The following DNM3 variants were observed in gnomAD, a reference collection of about 807,000 sequenced individuals.
DNM3 encodes dynamin-3.
DNM3 carries 47 observed loss-of-function variants against 101.6 expected under a neutral mutation model. The observed-to-expected ratio is 0.46, with a 90% confidence interval of 0.37 to 0.59. DNM3 has a LOEUF of 0.59. Among genes scored for constraint, DNM3 ranks in the 20% least tolerant of loss-of-function variants. The probability of loss-of-function intolerance (pLI) is 0.00; values close to 1 mark genes in which losing one functional copy is unlikely to be tolerated. For synonymous variants in DNM3, 385 were observed against 387.9 expected, an observed-to-expected ratio of 0.99 and a Z score of 0.09; for missense variants, 849 against 1,085.7, an observed-to-expected ratio of 0.78 and a Z score of 3.06.
At chr1:172,129,265 T>TGTGA (rs775915481) in intron 13 of DNM3, among the ~76,000 whole-genome samples, 3 of 152,224 alleles carry the variant, frequency 2.0e-5, no homozygotes, top group Non-Finnish European at 2.9e-5. Context: ...TGATTGTATG[T>TGTGA]GTGCATGCAC....
At chr1:172,040,567 C>T (rs977904900) in intron 7 of DNM3, among the ~76,000 whole-genome samples, 3 of 151,560 alleles carry the variant, frequency 2.0e-5, no homozygotes, top group Non-Finnish European at 2.9e-5. Context: ...TTTATTAAAT[C>T]TCCCAATTAT....
At chr1:172,384,437 C>T (rs2069082861) in intron 18 of DNM3, among the ~76,000 whole-genome samples, 2 of 152,146 alleles carry the variant, frequency 1.3e-5, no homozygotes, top group Non-Finnish European at 1.5e-5. Context: ...TCCTTTAATC[C>T]TCACAATACT....
chr1:171,854,520 C>T (rs897682434), intron 1 of DNM3, among the ~76,000 whole-genome samples: 6 of 152,010 alleles, frequency 3.9e-5, no homozygotes, highest in Admixed American at 6.6e-5. Context: ...GACAAAGTCT[C>T]GCTCTTGTCG....
chr1:172,018,348 C>G (rs2125736533), intron 4 of DNM3, among the ~76,000 whole-genome samples: 1 of 152,186 alleles, frequency 6.6e-6, no homozygotes, highest in East Asian at 1.9e-4. Context: ...ATTTTATCTT[C>G]TTTCTTAGTA....
intron 14 of DNM3, among the ~76,000 whole-genome samples, chr1:172,191,881 TG>T (rs1302207565): frequency 6.6e-6 from 1 of 152,194 alleles, no homozygotes; most frequent in African/African-American, 2.4e-5. Context: ...CCTGAGACTT[TG>T]CTGAAGTTGC....
At chr1:172,020,721 CAAAAAAAAA>C (rs3051630) in intron 4 of DNM3, among the ~76,000 whole-genome samples, 7 of 66,354 alleles carry the variant, frequency 1.1e-4, no homozygotes, top group Admixed American at 5.3e-4. Context: ...GAGACTCCGT[CAAAAAAAAA>C]AAAAAAAAAA....
intron 4 of DNM3, among the ~76,000 whole-genome samples, chr1:172,027,648 A>C (rs1328526222): frequency 3.3e-5 from 5 of 151,618 alleles, no homozygotes; most frequent in Admixed American, 2.0e-4. Context: ...CAGAGTCAGG[A>C]CCCATCCATG....
At chr1:172,028,218 C>T (rs542389516) in intron 4 of DNM3, among the ~76,000 whole-genome samples, 1 of 152,312 alleles carries the variant, frequency 6.6e-6, no homozygotes, top group African/African-American at 2.4e-5. Flanking sequence ...AACTAACAGT[C>T]TCTCTGACCA....
intron 13 of DNM3, among the ~76,000 whole-genome samples, chr1:172,111,807 C>CTT (rs199736416): frequency 4.8e-5 from 7 of 147,256 alleles, no homozygotes; most frequent in South Asian, 2.2e-4. Context: ...AGATGGACTC[C>CTT]TTTTTTTTTT....
At chr1:172,168,187 T>C (rs931299621) in intron 14 of DNM3, among the ~76,000 whole-genome samples, 2 of 152,002 alleles carry the variant, frequency 1.3e-5, no homozygotes, top group African/African-American at 4.8e-5. Context: ...AGTGCTAGGA[T>C]GTTAGGTAAA....
intron 10 of DNM3, among the ~76,000 whole-genome samples, chr1:172,065,379 A>C (rs2051568926): frequency 6.6e-6 from 1 of 152,106 alleles, no homozygotes. Flanking sequence ...AAGCTGTCTG[A>C]GTGCAGGCGG....
chr1:172,273,311 T>C (rs982196381), intron 15 of DNM3, among the ~76,000 whole-genome samples: 2 of 152,018 alleles, frequency 1.3e-5, no homozygotes, highest in Non-Finnish European at 2.9e-5. Context: ...CAAATCTCCC[T>C]TTTTTAAGCC....
intron 17 of DNM3, chr1:172,338,805 T>A: frequency 2.1e-6 from 1 of 485,886 alleles, no homozygotes; most frequent in Admixed American, 2.1e-5. Flanking sequence ...CAGGGAGTTT[T>A]TCAGATGAAC....
Position 172,078,691 on chromosome 1 carries a change from T to A in DNM3, c.1423-3141T>A, listed in dbSNP as rs541066331. The stretch of plus-strand genomic sequence containing the variant: ...TGATGCTAGCTGGTTATTTTGCCCA[T>A]TAGTTGATGCAGTTTCTTTATAGTG... On this transcript the variant is annotated intron_variant, in intron 11 of 20. Coordinates refer to ENST00000627582, the MANE Select transcript of DNM3 (RefSeq NM_015569.5). 2.6e-5 allele frequency among the ~76,000 whole-genome samples: 4 copies of A among 152,340 alleles called. No individual in the cohort carries two copies. In the South Asian group the frequency reaches 8.3e-4, roughly 32 times the overall value.
At chr1:172,085,316 T>A (rs967411634) in intron 12 of DNM3, among the ~76,000 whole-genome samples, 2 of 151,920 alleles carry the variant, frequency 1.3e-5, no homozygotes, top group African/African-American at 4.8e-5. Context: ...TTTAAGAAAA[T>A]AAGAACTGGC....
intron 2 of DNM3, among the ~76,000 whole-genome samples, chr1:171,963,631 T>C (rs1397041900): frequency 6.6e-6 from 1 of 152,072 alleles, no homozygotes; most frequent in Non-Finnish European, 1.5e-5. Context: ...GTGGGATATA[T>C]GGGAACTCTG....
chr1:171,954,606 T>C (rs1046676355), intron 2 of DNM3, among the ~76,000 whole-genome samples: 3 of 152,232 alleles, frequency 2.0e-5, no homozygotes, highest in African/African-American at 7.2e-5. Flanking sequence ...GATACGCAGT[T>C]CCCTCTGTGG....
chr1:172,386,470 C>T (rs1404362901), intron 18 of DNM3, among the ~76,000 whole-genome samples: 1 of 152,174 alleles, frequency 6.6e-6, no homozygotes, highest in Non-Finnish European at 1.5e-5. Context: ...TATTAGCTAA[C>T]TATGCAACCT....
intron 14 of DNM3, among the ~76,000 whole-genome samples, chr1:172,151,541 G>C (rs77152925): frequency 2.0e-5 from 3 of 152,054 alleles, no homozygotes; most frequent in Admixed American, 1.3e-4. Flanking sequence ...CTCTCCTCAG[G>C]TTCTTCAAGA....
Sources: allele counts gnomAD v4.1 joint callset (sites outside exome capture counted in the v4.1 genomes callset), GRCh38; gene constraint gnomAD v4.1.1; transcripts MANE v1.5; gene names NCBI Gene and HGNC (gene_info 2026-07-23, HGNC 2026-07-21).